CNTNAP4: variants seen among roughly 807,000 people sequenced by gnomAD.
CNTNAP4 encodes the protein contactin-associated protein-like 4.
Under a neutral mutation model 148.4 loss-of-function variants are expected in CNTNAP4, and 98 were observed. The observed-to-expected ratio is 0.66, with a 90% CI of 0.56 to 0.78. The LOEUF (loss-of-function observed/expected upper bound fraction) is 0.78. CNTNAP4 is among the 30% of genes least tolerant of loss of function. CNTNAP4 has a pLI of 0.00. For synonymous variants in CNTNAP4, 730 were observed against 565.1 expected (o/e 1.29, Z -4.14); for missense variants, 1,935 against 1,565.6 (o/e 1.24, Z -3.98).
At chr16:76,381,976 A>C (rs577998714) in intron 3 of CNTNAP4, among the ~76,000 whole-genome samples, 6 of 143,680 alleles carry the variant, frequency 4.2e-5, no homozygotes, top group African/African-American at 1.6e-4. Flanking sequence ...GGAGAATGGC[A>C]GGTGAACCCA....
intron 23 of CNTNAP4, among the ~76,000 whole-genome samples, chr16:76,555,865 T>C (rs553262425): frequency 1.3e-5 from 2 of 152,336 alleles, no homozygotes; most frequent in East Asian, 1.9e-4. Flanking sequence ...TTTTGGTCAT[T>C]GCAGAGACTA....
intron 3 of CNTNAP4, among the ~76,000 whole-genome samples, chr16:76,385,492 A>C (rs779368131): frequency 6.6e-6 from 1 of 152,042 alleles, no homozygotes; most frequent in Non-Finnish European, 1.5e-5. Flanking sequence ...ATATATAGCA[A>C]TGTTTCCTTT....
At chr16:76,305,547 C>T (rs1426247929) in intron 1 of CNTNAP4, among the ~76,000 whole-genome samples, 1 of 151,940 alleles carries the variant, frequency 6.6e-6, no homozygotes, top group Non-Finnish European at 1.5e-5. Context: ...TCTAAATTCC[C>T]CATCCTTAAT....
intron 21 of CNTNAP4, among the ~76,000 whole-genome samples, chr16:76,542,183 C>T (rs1442048877): frequency 2.0e-5 from 3 of 152,050 alleles, no homozygotes; most frequent in South Asian, 2.1e-4. Flanking sequence ...TTGTTAAAAA[C>T]AAAAGAGAAT....
intron 1 of CNTNAP4, among the ~76,000 whole-genome samples, chr16:76,292,605 A>T (rs921727438): frequency 2.0e-5 from 3 of 152,112 alleles, no homozygotes. Flanking sequence ...ATGATTTACT[A>T]TTTATGGGTA....
At chr16:76,470,734 T>C (rs1011759585) in intron 10 of CNTNAP4, among the ~76,000 whole-genome samples, 1 of 142,066 alleles carries the variant, frequency 7.0e-6, no homozygotes, top group Non-Finnish European at 1.6e-5. Flanking sequence ...ATAATGCAGG[T>C]TTTTAAAAAA....
At chr16:76,497,538 C>G (rs1360203154) in intron 14 of CNTNAP4, among the ~76,000 whole-genome samples, 1 of 151,960 alleles carries the variant, frequency 6.6e-6, no homozygotes, top group East Asian at 1.9e-4. Flanking sequence ...AGTTCATGTC[C>G]TTTGTGGAGA....
chr16:76,350,173 TC>T (rs1274009253), intron 2 of CNTNAP4, among the ~76,000 whole-genome samples: 1 of 151,710 alleles, frequency 6.6e-6, no homozygotes, highest in East Asian at 1.9e-4. Context: ...CTACTATGAG[TC>T]AAAGATAGTT....
chr16:76,406,543 C>T (rs896565857), intron 3 of CNTNAP4, among the ~76,000 whole-genome samples: 8 of 151,782 alleles, frequency 5.3e-5, no homozygotes, highest in Admixed American at 1.3e-4. Flanking sequence ...GAAAGCTAGG[C>T]TTCTTGCAGC....
Position 76,355,374 on chromosome 16 carries a change from C to T in CNTNAP4, c.253C>T (p.Leu85Phe). 6 of 1,607,592 alleles carry T rather than the reference C, an allele frequency of 3.7e-6. No homozygotes were observed. Among genetic ancestry groups the T allele is most frequent in the South Asian group, 3.3e-5 (3 of 90,430 alleles). ...SNKYQWLQID[L>F]GERMEVTAVA... ...CAAATACCAGTGGTTGCAGATTGAC[C>T]TTGGAGAGAGAATGGAGGTCACCGC... Residue 85 changes from leucine to phenylalanine, a missense_variant, in exon 3 of 24, where the codon CTT (leucine) becomes TTT (phenylalanine). Leu to Phe is a conservative substitution (Grantham distance 22, BLOSUM62 0). Transcript: ENST00000611870.
chr16:76,468,597 A>G (rs2081259533), intron 10 of CNTNAP4, among the ~76,000 whole-genome samples: 2 of 152,058 alleles, frequency 1.3e-5, no homozygotes, highest in Admixed American at 6.5e-5. Context: ...AAGCCATCCT[A>G]TCTCAGCCTC....
intron 17 of CNTNAP4, 46 bp downstream of exon 17, chr16:76,522,303 C>T: frequency 6.7e-7 from 1 of 1,497,014 alleles, no homozygotes; most frequent in Middle Eastern, 2.2e-4. Context: ...GATATGTGTT[C>T]AGAAATGGCC....
chr16:76,490,416 G>C (rs1375583040), intron 13 of CNTNAP4, among the ~76,000 whole-genome samples: 2 of 152,104 alleles, frequency 1.3e-5, no homozygotes, highest in African/African-American at 2.4e-5. Flanking sequence ...ATTTGATTCT[G>C]CTGTGAATAA....
intron 3 of CNTNAP4, among the ~76,000 whole-genome samples, chr16:76,376,586 C>T (rs1332387359): frequency 6.6e-6 from 1 of 152,218 alleles, no homozygotes; most frequent in East Asian, 1.9e-4. Flanking sequence ...AGTATCCCCA[C>T]ACAGTCGGAG....
intron 2 of CNTNAP4, among the ~76,000 whole-genome samples, chr16:76,333,183 G>A (rs1037090615): frequency 1.4e-4 from 21 of 152,280 alleles, no homozygotes; most frequent in African/African-American, 3.6e-4. Context: ...AGGTCAGGTC[G>A]TGCCATACCA....
rs138641621 is a variant in CNTNAP4 at position 76,340,608 on chromosome 16, G to A, written c.197-14710G>A. 5.3e-3 allele frequency among the ~76,000 whole-genome samples: 813 copies of A among 152,166 alleles called. 4 individuals are homozygous for A. Among genetic ancestry groups the A allele is most frequent in the African/African-American group, 0.018 (732 of 41,516 alleles). ...AATTCTACCTCACTAAACTTTCTCC[G>A]ATGCTTTCATGTCTTCATTCAATAC... is the stretch of plus-strand genomic sequence containing the variant. On this transcript the variant is annotated intron_variant, in intron 2 of 23. Coordinates refer to ENST00000611870, the MANE Select transcript of CNTNAP4 (RefSeq NM_033401.5).
chr16:76,473,099 C>T (rs755223011), intron 10 of CNTNAP4, among the ~76,000 whole-genome samples: 8 of 152,170 alleles, frequency 5.3e-5, no homozygotes, highest in Non-Finnish European at 1.2e-4. Flanking sequence ...CCTGTTTTTA[C>T]ACATTGTCAT....
chr16:76,549,254 A>G (rs2084863660), intron 21 of CNTNAP4, among the ~76,000 whole-genome samples: 2 of 152,202 alleles, frequency 1.3e-5, no homozygotes, highest in Admixed American at 6.5e-5. Flanking sequence ...ATTAGAAAGT[A>G]TTAATGTGCC....
chr16:76,540,612 G>C lies in CNTNAP4; in HGVS notation c.3355-91G>C, dbSNP rs987040722. The C allele has an allele frequency of 1.0e-5, 9 of 886,790 alleles. No individual in the cohort carries two copies. The African/African-American group carries it at 1.5e-4, about 15-fold the overall frequency. 54.9% of individuals were successfully genotyped at this position (886,790 alleles called of 1,614,324 possible). Reference sequence around the variant, plus strand: ...GGGGCCATGCTAACAACTGCTTAATGTATCTTTTTCTCTTGTCCTCTGTTG... The same window carrying C: ...GGGGCCATGCTAACAACTGCTTAATCTATCTTTTTCTCTTGTCCTCTGTTG... On this transcript the variant is annotated intron_variant, in intron 20 of 23. Coordinates refer to ENST00000611870, the MANE Select transcript of CNTNAP4 (RefSeq NM_033401.5).
Sources: allele counts gnomAD v4.1 joint callset (sites outside exome capture counted in the v4.1 genomes callset), GRCh38; gene constraint gnomAD v4.1.1; transcripts MANE v1.5; gene names NCBI Gene and HGNC (gene_info 2026-07-23, HGNC 2026-07-21).